Variants in SUN5 observed in about 807,000 individuals in gnomAD.
The protein encoded by SUN5 is SUN domain-containing protein 5.
A neutral mutation model predicts 53.7 loss-of-function variants in SUN5; 44 were observed. That is an observed-to-expected ratio of 0.82 (90% CI 0.64 to 1.05). The LOEUF is 1.05. Among genes scored for constraint, SUN5 ranks in the 50% least tolerant of loss-of-function variants. The pLI, the probability that SUN5 is intolerant of heterozygous loss-of-function variation, is 0.00. For synonymous variants in SUN5, 166 were observed against 179.8 expected (o/e 0.92, Z 0.62); for missense variants, 433 against 483.8 (o/e 0.90, Z 0.98).
At position 32,985,084 on chromosome 20, in the gene SUN5, G is replaced by A; in HGVS notation, c.984+15C>T. On this transcript the variant is annotated intron_variant, in intron 12 of 12. Transcript: ENST00000356173. The stretch of plus-strand genomic sequence containing the variant: ...ATTCAGCAGGTGCTCAGCACAGGCA[G>A]CTCTTCGCAGGTACCTGGAGTGGGA... The A allele has an allele frequency of 6.2e-7, 1 of 1,613,764 alleles. No homozygotes were observed. The highest frequency in any genetic ancestry group is 1.1e-5 in the South Asian group (1 of 91,050).
At chr20:32,991,049 C>T (rs1260761254) in intron 8 of SUN5, among the ~76,000 whole-genome samples, 1 of 152,198 alleles carries the variant, frequency 6.6e-6, no homozygotes, top group Non-Finnish European at 1.5e-5. Context: ...AAAAAATCCC[C>T]AACTCCTCCC....
chr20:33,000,654 G>A (rs1989976213), intron 4 of SUN5, among the ~76,000 whole-genome samples: 1 of 152,064 alleles, frequency 6.6e-6, no homozygotes, highest in South Asian at 2.1e-4. Flanking sequence ...AGACCAGCCT[G>A]GGCAACATGG....
chr20:32,987,631 G>T, intron 10 of SUN5, 29 bp downstream of exon 10: 1 of 1,427,248 alleles, frequency 7.0e-7, no homozygotes, highest in Non-Finnish European at 9.4e-7. Flanking sequence ...CTCCCCTGCC[G>T]CTGTCCCATC....
chr20:32,994,796 G>T (rs1266109391), intron 8 of SUN5, among the ~76,000 whole-genome samples: 2 of 151,988 alleles, frequency 1.3e-5, no homozygotes, highest in African/African-American at 4.8e-5. Context: ...CTACTCAGGT[G>T]TAGGATGCAC....
chr20:33,002,134 G>A (rs1990065863), intron 3 of SUN5, among the ~76,000 whole-genome samples: 1 of 148,966 alleles, frequency 6.7e-6, no homozygotes, highest in African/African-American at 2.5e-5. Flanking sequence ...ACACAGGGGT[G>A]GATGGAAGAA....
intron 3 of SUN5, among the ~76,000 whole-genome samples, chr20:33,001,835 A>AT (rs1398392624): frequency 1.3e-5 from 2 of 151,834 alleles, no homozygotes; most frequent in African/African-American, 4.8e-5. Context: ...CGCCCGGCTA[A>AT]TTTTTGTGGG....
intron 6 of SUN5, 29 bp downstream of exon 6, chr20:32,997,609 T>C (rs190097): frequency 0.37 from 593,175 of 1,611,172 alleles, 115,625 homozygotes; most frequent in East Asian, 0.77. Flanking sequence ...ACCTGTCAGC[T>C]GTGGGGCCTG....
intron 8 of SUN5, among the ~76,000 whole-genome samples, chr20:32,992,691 A>G (rs553199366): frequency 6.6e-6 from 1 of 152,362 alleles, no homozygotes; most frequent in African/African-American, 2.4e-5. Flanking sequence ...CAATATGTAC[A>G]TCCAATAAAA....
Position 32,983,928 on chromosome 20 carries a change from T to C in SUN5, c.1006A>G (p.Ser336Gly), listed in dbSNP as rs772671476. 19 of 1,590,860 alleles carry C rather than the reference T, an allele frequency of 1.2e-5. No individual in the cohort carries two copies. The South Asian group carries it at 1.9e-4, about 16-fold the overall frequency. ...PLQNQPARAF[S>G]AVKVKISSNW... ...CTTGAGATCTTCACCTTGACCGCAC[T>C]GAAAGCCCGGGCCGGCTGGTTCTGG... Residue 336 changes from serine (S) to glycine (G), a missense_variant, in exon 13 of 13, where the codon AGT becomes GGT. Physicochemically the swap from Ser to Gly is moderately conservative, Grantham distance 56. Coordinates refer to ENST00000356173, the MANE Select transcript of SUN5 (RefSeq NM_080675.4).
Position 32,995,644 on chromosome 20 carries a change from T to C in SUN5, c.509A>G (p.Gln170Arg). The C allele has an allele frequency of 1.2e-6, 2 of 1,614,186 alleles. No homozygotes were observed. The highest frequency in any genetic ancestry group is 1.7e-6 in the Non-Finnish European group (2 of 1,180,020). Residue 170 changes from glutamine to arginine, a missense_variant, in exon 8 of 13, where the codon CAG (glutamine) becomes CGG (arginine). Physicochemically the swap from Gln to Arg is conservative, Grantham distance 43. Transcript: ENST00000356173. ...CTCATCGGACATGGCTTCCATCTCCTGGAGCTTGGCAATGAGCTGGTTCAT... is the reference window on the plus strand; with the variant it reads ...CTCATCGGACATGGCTTCCATCTCCCGGAGCTTGGCAATGAGCTGGTTCAT... ...GSMNQLIAKL[Q>R]EMEAMSDEQK...
chr20:32,999,728 G>T, intron 5 of SUN5: 11 of 508,972 alleles, frequency 2.2e-5, no homozygotes, highest in East Asian at 4.1e-5. Flanking sequence ...CCACTCCAAA[G>T]CCAGTATATG....
At chr20:32,996,300 G>A in intron 7 of SUN5, 24 bp downstream of exon 7, 1 of 1,611,442 alleles carries the variant, frequency 6.2e-7, no homozygotes, top group Non-Finnish European at 8.5e-7. Context: ...GTAATAATAT[G>A]GTTACCCAGA....
intron 5 of SUN5, chr20:32,999,867 G>C (rs867209863): frequency 6.6e-7 from 1 of 1,512,872 alleles, no homozygotes; most frequent in Middle Eastern, 1.8e-4. Context: ...ACGGTTTGGG[G>C]AGAGCTTTAT....
At chr20:32,997,713 A>G in intron 5 of SUN5, 26 bp from the exon 6 acceptor site, 1 of 1,613,410 alleles carries the variant, frequency 6.2e-7, no homozygotes, top group South Asian at 1.1e-5. Context: ...AATAAGAATG[A>G]GCCATTTAAC....
intron 6 of SUN5, 91 bp downstream of exon 6, chr20:32,997,547 T>G: frequency 6.8e-7 from 1 of 1,461,692 alleles, no homozygotes; most frequent in African/African-American, 1.4e-5. Flanking sequence ...AGGGGCCCCA[T>G]TTGGTGAGAA....
At chr20:33,003,767 A>G (rs755080018) in intron 1 of SUN5, among the ~76,000 whole-genome samples, 3 of 152,174 alleles carry the variant, frequency 2.0e-5, no homozygotes, top group Admixed American at 6.5e-5. Flanking sequence ...GATGAAAGAC[A>G]TACATTCTAG....
At chr20:32,991,908 G>A (rs1235685959) in intron 8 of SUN5, among the ~76,000 whole-genome samples, 1 of 152,192 alleles carries the variant, frequency 6.6e-6, no homozygotes, top group Non-Finnish European at 1.5e-5. Flanking sequence ...TGAACAGGAA[G>A]CACAGGAGAG....
chr20:33,002,484 G>T, intron 3 of SUN5, 103 bp downstream of exon 3: 1 of 1,108,104 alleles, frequency 9.0e-7, no homozygotes, highest in Non-Finnish European at 1.4e-6. Context: ...CACCCCTGCA[G>T]TCCAGGGCAG....
At chr20:33,001,519 C>CTTTCTTTCTCTCT (rs68051515) in intron 3 of SUN5, among the ~76,000 whole-genome samples, 1 of 121,324 alleles carries the variant, frequency 8.2e-6, no homozygotes, top group Non-Finnish European at 1.7e-5. Context: ...TTCTTTCTTT[C>CTTTCTTTCTCTCT]TTCTTTCTTT....
Sources: gnomAD v4.1 joint callset for allele counts (sites outside exome capture counted in the v4.1 genomes callset) on GRCh38, gnomAD v4.1.1 for gene constraint, MANE v1.5 for transcripts, NCBI Gene and HGNC (gene_info 2026-07-23, HGNC 2026-07-21) for gene names.